Variants in TSPAN11 observed in about 807,000 individuals in gnomAD.
TSPAN11 encodes tetraspanin 11, also known as tetraspanin-11.
TSPAN11 carries 29 observed loss-of-function variants against 32.9 expected under a neutral mutation model. The ratio of observed to expected loss-of-function variants is 0.88; its 90% CI spans 0.66 to 1.20. TSPAN11 has a LOEUF of 1.20. Ranked by LOEUF, TSPAN11 falls within the 50% of genes most tolerant of loss-of-function variation. The probability of loss-of-function intolerance (pLI) is 0.00; values close to 1 mark genes in which losing one functional copy is unlikely to be tolerated. For missense variants in TSPAN11, 283 were observed against 329.1 expected, an observed-to-expected ratio of 0.86 and a Z score of 1.08; for synonymous variants, 140 against 141.3, an observed-to-expected ratio of 0.99 and a Z score of 0.07.
chr12:30,931,879 C>CAAAAAAAAAAAAAAA lies in TSPAN11; in HGVS notation c.-12+5089_-12+5103dup, dbSNP rs58500177. Among the ~76,000 whole-genome samples the CAAAAAAAAAAAAAAA allele has an allele frequency of 5.4e-4, 33 of 60,870 alleles. 2 individuals are homozygous for CAAAAAAAAAAAAAAA. Among genetic ancestry groups the CAAAAAAAAAAAAAAA allele is most frequent in the African/African-American group, 1.8e-3 (29 of 15,972 alleles). 39.9% of individuals were successfully genotyped at this position (60,870 alleles called of 152,430 possible). On this transcript the variant is annotated intron_variant, in intron 1 of 7. Coordinates refer to ENST00000546076, the MANE Select transcript of TSPAN11 (RefSeq NM_001370302.1). ...TGGGCGACAGAGTGAGACGCTGTAT[C>CAAAAAAAAAAAAAAA]AAAAAAAAAAAAAAAAAAAAGAGTC...
At chr12:31,008,038 G>A in the TSPAN11 span, among the ~76,000 whole-genome samples, 1 of 152,270 alleles carries the variant, frequency 6.6e-6, no homozygotes, top group Non-Finnish European at 1.5e-5. Context: ...GAACCACAGA[G>A]AGGCAGGTGG....
chr12:30,930,170 C>G (rs75121274), intron 1 of TSPAN11, among the ~76,000 whole-genome samples: 2,952 of 152,194 alleles, frequency 0.019, 86 homozygotes, highest in African/African-American at 0.067. Context: ...AGATGGCACT[C>G]CACAGGGTAG....
In TSPAN11 at chr12:30,934,383, C is replaced by T. The variant is rs527341521; in HGVS notation, c.-12+7587C>T. Among the ~76,000 whole-genome samples, 7 of 152,306 alleles carry T rather than the reference C, an allele frequency of 4.6e-5. No homozygotes were observed. The South Asian group carries it at 8.3e-4, about 18-fold the overall frequency. The stretch of plus-strand genomic sequence containing the variant: ...GTCCATCCAGGCTCAGCTTCTCTGG[C>T]GTCTTAGTCCATTCTCACGCTGCTG... On this transcript the variant is annotated intron_variant, in intron 1 of 7. Coordinates refer to ENST00000546076, the MANE Select transcript of TSPAN11 (RefSeq NM_001370302.1).
chr12:30,939,105 G>C (rs1767911975), intron 1 of TSPAN11, among the ~76,000 whole-genome samples: 1 of 152,054 alleles, frequency 6.6e-6, no homozygotes, highest in Admixed American at 6.6e-5. Flanking sequence ...GGTGGGCATG[G>C]TGGTGCATGC....
At chr12:30,998,240 C>G (rs542019549), downstream of TSPAN11, among the ~76,000 whole-genome samples, 1 of 152,232 alleles carries the variant, frequency 6.6e-6, no homozygotes, top group African/African-American at 2.4e-5. Context: ...CCAACAAGAG[C>G]CTTGTCAGCC....
At chr12:30,997,945 G>A (rs151236060), downstream of TSPAN11, among the ~76,000 whole-genome samples, 614 of 152,320 alleles carry the variant, frequency 4.0e-3, 8 homozygotes, top group African/African-American at 0.014. Context: ...GGCCTCTTTG[G>A]TCAAGGTCCA....
chr12:30,959,824 C>T (rs1168143135), intron 2 of TSPAN11, among the ~76,000 whole-genome samples: 1 of 147,524 alleles, frequency 6.8e-6, no homozygotes, highest in East Asian at 2.0e-4. Context: ...GAAGAAAGTA[C>T]CAGAAGATGA....
intron 1 of TSPAN11, among the ~76,000 whole-genome samples, chr12:30,940,702 C>T (rs61634819): frequency 0.018 from 2,693 of 152,214 alleles, 71 homozygotes; most frequent in African/African-American, 0.06. Flanking sequence ...GCGGACAATG[C>T]GCATGCCTAC....
At chr12:30,988,752 AT>A (rs1439869274) in intron 7 of TSPAN11, among the ~76,000 whole-genome samples, 1 of 152,046 alleles carries the variant, frequency 6.6e-6, no homozygotes, top group East Asian at 1.9e-4. Flanking sequence ...GGCTCATCTT[AT>A]TCATGCACAT....
intron 2 of TSPAN11, among the ~76,000 whole-genome samples, chr12:30,959,499 G>T (rs577114319): frequency 6.6e-6 from 1 of 152,226 alleles, no homozygotes; most frequent in African/African-American, 2.4e-5. Flanking sequence ...CGGACACCGC[G>T]CCACGCCCTG....
At chr12:31,013,534 A>C in the TSPAN11 span, among the ~76,000 whole-genome samples, 2 of 152,158 alleles carry the variant, frequency 1.3e-5, no homozygotes, top group Non-Finnish European at 2.9e-5. Flanking sequence ...GGCTGCAGTG[A>C]GCCATGATCA....
the TSPAN11 span, among the ~76,000 whole-genome samples, chr12:31,002,954 A>G: frequency 6.6e-6 from 1 of 152,088 alleles, no homozygotes; most frequent in Non-Finnish European, 1.5e-5. This position sits in a 1 kb window ranked among gnomAD's most constrained non-coding sequence, Gnocchi z 4.8. Context: ...GCACCCTGAC[A>G]CCCACTGCCA....
At chr12:31,012,344 G>A in the TSPAN11 span, among the ~76,000 whole-genome samples, 1 of 152,180 alleles carries the variant, frequency 6.6e-6, no homozygotes, top group Non-Finnish European at 1.5e-5. Flanking sequence ...CTGCCCCTTG[G>A]AAACCAATAA....
chr12:30,982,440 G>C, intron 5 of TSPAN11, 92 bp from the exon 6 acceptor site: 1 of 1,486,790 alleles, frequency 6.7e-7, no homozygotes, highest in Non-Finnish European at 9.1e-7. Context: ...AGACAAATAG[G>C]GGTTGGGTTA....
chr12:30,978,626 T>A lies in TSPAN11; in HGVS notation c.342T>A (p.Tyr114Ter), dbSNP rs1939023697. ...ELVAGVLAHV[Y>*]YQRLSDELKQ... is the part of the protein sequence containing the mutation. ...TGGCGGGAGTCCTGGCCCATGTGTA[T>A]TACCAGAGGGTAAGTGACGTTTCCT... Residue 114 changes from tyrosine to a stop codon, truncating the protein, a stop_gained, in exon 4 of 8, where the codon TAT becomes TAA. Coordinates refer to ENST00000546076, the MANE Select transcript of TSPAN11 (RefSeq NM_001370302.1). LOFTEE classifies it high-confidence loss of function. 1 of 1,614,192 alleles carries A rather than the reference T, an allele frequency of 6.2e-7. No homozygotes were observed. Among genetic ancestry groups the A allele is most frequent in the East Asian group, 2.2e-5 (1 of 44,884 alleles).
the TSPAN11 span, chr12:31,015,594 C>T: frequency 2.0e-5 from 3 of 152,228 alleles, no homozygotes; most frequent in African/African-American, 4.8e-5. The surrounding 1 kb of genome is among the most constrained non-coding windows in gnomAD (Gnocchi z 4.9). Flanking sequence ...CTGAGCAGCA[C>T]ATCCTCCCCC....
At chr12:30,957,032 G>A (rs555665996) in intron 2 of TSPAN11, among the ~76,000 whole-genome samples, 31 of 152,356 alleles carry the variant, frequency 2.0e-4, no homozygotes, top group African/African-American at 7.2e-4. Flanking sequence ...GGAGTGCGAT[G>A]ACTTGAGAGC....
chr12:30,941,933 G>A (rs1161201056), intron 1 of TSPAN11, among the ~76,000 whole-genome samples: 1 of 152,216 alleles, frequency 6.6e-6, no homozygotes, highest in African/African-American at 2.4e-5. Flanking sequence ...TCTTTTAAAT[G>A]ACTTTCCTGT....
intron 2 of TSPAN11, 120 bp downstream of exon 2, chr12:30,954,195 C>A: frequency 2.7e-6 from 2 of 743,088 alleles, no homozygotes; most frequent in Non-Finnish European, 4.7e-6. Context: ...CAACGATCAA[C>A]CATGGGTGAA....
Sources: allele counts gnomAD v4.1 joint callset (sites outside exome capture counted in the v4.1 genomes callset), GRCh38; gene constraint gnomAD v4.1.1; non-coding constraint Gnocchi (gnomAD v3.1); transcripts MANE v1.5; gene names NCBI Gene and HGNC (gene_info 2026-07-23, HGNC 2026-07-21).